CREB3L3: variants seen among roughly 807,000 people sequenced by gnomAD.
The protein encoded by CREB3L3 is cAMP responsive element binding protein 3 like 3.
A neutral mutation model predicts 44.6 loss-of-function variants in CREB3L3; 40 were observed. That is an observed-to-expected ratio of 0.90 (90% CI 0.70 to 1.17). The LOEUF is 1.17. Among genes scored for constraint, CREB3L3 ranks in the 50% most tolerant of loss-of-function variants. CREB3L3 has a pLI of 0.00. For synonymous variants in CREB3L3, 273 were observed against 256.3 expected, an observed-to-expected ratio of 1.06 and a Z score of -0.62; for missense variants, 578 against 595.8, an observed-to-expected ratio of 0.97 and a Z score of 0.31.
At chr19:4,158,659 G>C (rs186336427) in intron 3 of CREB3L3, among the ~76,000 whole-genome samples, 445 of 152,148 alleles carry the variant, frequency 2.9e-3, no homozygotes, top group Non-Finnish European at 3.6e-3. Context: ...AAATTAGCTG[G>C]GTGTGGTGGC....
intron 5 of CREB3L3, among the ~76,000 whole-genome samples, chr19:4,167,471 G>A (rs1370192781): frequency 8.5e-6 from 1 of 117,998 alleles, no homozygotes; most frequent in Non-Finnish European, 1.6e-5. Context: ...GGAAAGAAAG[G>A]AAGAAAAGGA....
At position 4,164,343 on chromosome 19, in the gene CREB3L3, A is replaced by G. The variant is rs925413007; in HGVS notation, c.577-160A>G. On this transcript the variant is annotated intron_variant, in intron 4 of 9. Transcript: ENST00000078445. ...GGCTGGTCTCGATCTCCTGAGCTCAAGTGATCCACATGCCTCAGCCTCTCT... is the reference window on the plus strand; with the variant it reads ...GGCTGGTCTCGATCTCCTGAGCTCAGGTGATCCACATGCCTCAGCCTCTCT... 4 of 834,788 alleles carry G rather than the reference A, an allele frequency of 4.8e-6. No individual in the cohort carries two copies. The African/African-American group carries it at 6.7e-5, about 14-fold the overall frequency. The allele number at this position is 834,788 out of a possible 1,614,324, so 51.7% of individuals were successfully genotyped here. A position where few individuals can be genotyped will look rare whatever the true frequency, so the allele number is the denominator to read the frequency against.
At chr19:4,154,120 A>G (rs894473629) in intron 1 of CREB3L3, among the ~76,000 whole-genome samples, 6 of 152,096 alleles carry the variant, frequency 3.9e-5, no homozygotes, top group Admixed American at 1.3e-4. Context: ...CACCCAGGCT[A>G]GAGTGCAATG....
At position 4,167,538 on chromosome 19, in the gene CREB3L3, AAGGG is replaced by A. The variant is rs373774926; in HGVS notation, c.715-792_715-789del. ...AAAGAGAGAAAGGGAGAAAGGAAGG[AAGGG>A]AGGGAGGGAGGGAGGGAGGGGAAAA... On this transcript the variant is annotated intron_variant, in intron 5 of 9. Coordinates refer to ENST00000078445, the MANE Select transcript of CREB3L3 (RefSeq NM_032607.3). 5.1e-3 allele frequency among the ~76,000 whole-genome samples: 664 copies of A among 129,598 alleles called. 4 individuals are homozygous for A. Among genetic ancestry groups the A allele is most frequent in the African/African-American group, 0.014 (508 of 35,452 alleles). 85.0% of individuals were successfully genotyped at this position (129,598 alleles called of 152,430 possible). A position where few individuals can be genotyped will look rare whatever the true frequency, so the allele number is the denominator to read the frequency against.
At chr19:4,162,398 A>T (rs2041672054) in intron 4 of CREB3L3, among the ~76,000 whole-genome samples, 1 of 149,596 alleles carries the variant, frequency 6.7e-6, no homozygotes, top group African/African-American at 2.5e-5. Context: ...TCGACCTCCC[A>T]TTTTTTTTGT....
Position 4,171,616 on chromosome 19 carries a change from C to G in CREB3L3, c.1073-40C>G. On this transcript the variant is annotated intron_variant, in intron 9 of 9. Transcript: ENST00000078445. The surrounding 1 kb of genome is among the most constrained non-coding windows in gnomAD (Gnocchi z 4.9). ...CAGGGAAGGGAGCATAGGACCCCAC[C>G]TCCACCTTGTCCCCTGTGATGCCCC... is the stretch of plus-strand genomic sequence containing the variant. 1.2e-6 allele frequency: 2 copies of G among 1,609,646 alleles called. No homozygotes were observed. The highest frequency in any genetic ancestry group is 1.7e-4 in the Middle Eastern group (1 of 6,054).
intron 7 of CREB3L3, 31 bp downstream of exon 7, chr19:4,170,239 A>G (rs1306474805): frequency 6.2e-7 from 1 of 1,606,124 alleles, no homozygotes; most frequent in East Asian, 2.2e-5. Flanking sequence ...GGCAGAGGAC[A>G]GGGGAAGCAG....
intron 5 of CREB3L3, among the ~76,000 whole-genome samples, chr19:4,167,836 C>A (rs1966951055): frequency 6.6e-6 from 1 of 151,884 alleles, no homozygotes; most frequent in Admixed American, 6.6e-5. Context: ...GCCTCTGGGT[C>A]CTTGGCTCCG....
intron 4 of CREB3L3, among the ~76,000 whole-genome samples, chr19:4,163,030 G>A (rs1177408213): frequency 2.0e-5 from 3 of 151,970 alleles, no homozygotes; most frequent in Non-Finnish European, 4.4e-5. Context: ...CAAAAGGGCC[G>A]GGCGCGGTGG....
intron 4 of CREB3L3, 151 bp from the exon 5 acceptor site, chr19:4,164,352 C>G: frequency 2.2e-6 from 2 of 895,336 alleles, no homozygotes; most frequent in South Asian, 2.7e-5. Context: ...AAGTGATCCA[C>G]ATGCCTCAGC....
At chr19:4,164,743 C>T (rs1599339926) in intron 5 of CREB3L3, 103 bp downstream of exon 5, 3 of 1,370,246 alleles carry the variant, frequency 2.2e-6, no homozygotes, top group Non-Finnish European at 3.0e-6. Flanking sequence ...GAGTCTTTCT[C>T]TGTCACTGAG....
At chr19:4,158,855 G>A (rs922339940) in intron 3 of CREB3L3, among the ~76,000 whole-genome samples, 1 of 151,352 alleles carries the variant, frequency 6.6e-6, no homozygotes. Flanking sequence ...ACTTACTCAA[G>A]GTCACACAGC....
chr19:4,167,217 C>A (rs1306284068), intron 5 of CREB3L3, among the ~76,000 whole-genome samples: 1 of 151,892 alleles, frequency 6.6e-6, no homozygotes, highest in African/African-American at 2.4e-5. Flanking sequence ...GTGTTGTGCA[C>A]CTGTAATCCC....
rs1451453144 is a variant in CREB3L3, at chr19:4,171,522, A to G, written c.1072+43A>G. The stretch of plus-strand genomic sequence containing the variant: ...TTGAAACCCTTGTCTGGTCTCCCCA[A>G]GTCCCCGTCCTGGGCCTCTGGGGGA... On this transcript the variant is annotated intron_variant, in intron 9 of 9. Coordinates refer to ENST00000078445, the MANE Select transcript of CREB3L3 (RefSeq NM_032607.3). This position sits in a 1 kb window ranked among gnomAD's most constrained non-coding sequence, Gnocchi z 4.9. 6.2e-7 allele frequency: 1 copy of G among 1,607,348 alleles called. No homozygotes were observed. Among genetic ancestry groups the G allele is most frequent in the African/African-American group, 1.3e-5 (1 of 74,826 alleles).
rs1967067267 is a variant in CREB3L3 at position 4,172,193 on chromosome 19, T to C, written c.*224T>C. 3.3e-6 allele frequency: 2 copies of C among 603,068 alleles called. No individual in the cohort carries two copies. The highest frequency in any genetic ancestry group is 4.1e-5 in the South Asian group (2 of 48,906). The allele number at this position is 603,068 out of a possible 1,614,324, so 37.4% of individuals were successfully genotyped here. On this transcript the variant is annotated 3_prime_UTR_variant, in exon 10 of 10. Transcript: ENST00000078445. ...AAAGAGGGCCACAGGACCCGGGAAA[T>C]ACACACAGAGCCAGGAGCAGAAGCA...
chr19:4,167,534 A>AAGGAAGGG (rs1323929286), intron 5 of CREB3L3, among the ~76,000 whole-genome samples: 1 of 129,626 alleles, frequency 7.7e-6, no homozygotes, highest in Non-Finnish European at 1.6e-5. Flanking sequence ...GGGAGAAAGG[A>AAGGAAGGG]AGGAAGGGAG....
At chr19:4,169,743 G>A (rs1439129093) in intron 6 of CREB3L3, among the ~76,000 whole-genome samples, 1 of 151,726 alleles carries the variant, frequency 6.6e-6, no homozygotes, top group Non-Finnish European at 1.5e-5. Context: ...GGAATTATAG[G>A]CGCCCACCAC....
rs1473103242 is a variant in CREB3L3 at position 4,164,388 on chromosome 19, G to GT, written c.577-114dup. The GT allele has an allele frequency of 7.5e-6, 10 of 1,328,576 alleles. No homozygotes were observed. The African/African-American group carries it at 8.7e-5, about 12-fold the overall frequency. 82.3% of individuals were successfully genotyped at this position (1,328,576 alleles called of 1,614,324 possible). ...CTCTCTAAGTGCTGGGATGACAGGC[G>GT]TGAGCCACCACACCCAGCCTGGGGT... On this transcript the variant is annotated intron_variant, in intron 4 of 9. Coordinates refer to ENST00000078445, the MANE Select transcript of CREB3L3 (RefSeq NM_032607.3).
Position 4,155,080 on chromosome 19 carries a change from C to T in CREB3L3, c.156+53C>T, listed in dbSNP as rs954824933. 2.5e-6 allele frequency: 4 copies of T among 1,597,528 alleles called. No individual in the cohort carries two copies. The East Asian group carries it at 6.7e-5, about 27-fold the overall frequency. The stretch of plus-strand genomic sequence containing the variant: ...GACCACAGAGCTCCAGGCGGGCCAA[C>T]TGAGGCCCCACGAAGGTGCTAGACC... On this transcript the variant is annotated intron_variant, in intron 2 of 9. Transcript: ENST00000078445.
Sources: allele counts gnomAD v4.1 joint callset (sites outside exome capture counted in the v4.1 genomes callset), GRCh38; gene constraint gnomAD v4.1.1; non-coding constraint Gnocchi (gnomAD v3.1); transcripts MANE v1.5; gene names NCBI Gene and HGNC (gene_info 2026-07-23, HGNC 2026-07-21).